INTS7: variants seen among roughly 807,000 people sequenced by gnomAD.
INTS7 encodes chromosome 1 open reading frame 73.
INTS7 carries 46 observed loss-of-function variants against 109.2 expected under a neutral mutation model. The ratio of observed to expected loss-of-function variants is 0.42; its 90% CI spans 0.33 to 0.54. The LOEUF is 0.54. Among genes scored for constraint, INTS7 ranks in the 20% least tolerant of loss-of-function variants. INTS7 has a pLI of 0.07. For missense variants in INTS7, 929 were observed against 1,132.4 expected (o/e 0.82, Z 2.58); for synonymous variants, 412 against 402.9 (o/e 1.02, Z -0.27).
At chr1:211,970,399 T>C (rs984866882) in intron 13 of INTS7, among the ~76,000 whole-genome samples, 2 of 152,144 alleles carry the variant, frequency 1.3e-5, no homozygotes, top group Admixed American at 1.3e-4. Context: ...ATAGTGAAAA[T>C]TTTCCTCTAT....
intron 5 of INTS7, among the ~76,000 whole-genome samples, chr1:212,009,389 G>A (rs1666069411): frequency 6.6e-6 from 1 of 152,134 alleles, no homozygotes; most frequent in Admixed American, 6.5e-5. Flanking sequence ...CACCTGTATA[G>A]CTTTCATCAA....
chr1:212,015,356 G>C (rs574794853), intron 4 of INTS7, among the ~76,000 whole-genome samples: 8 of 152,278 alleles, frequency 5.3e-5, no homozygotes, highest in African/African-American at 1.7e-4. Flanking sequence ...ATTTTGTTCT[G>C]TACTAAGAAA....
chr1:211,957,240 CCA>C (rs1413551095), intron 16 of INTS7, among the ~76,000 whole-genome samples: 3 of 152,114 alleles, frequency 2.0e-5, no homozygotes, highest in Non-Finnish European at 4.4e-5. Flanking sequence ...AAAACTCTTA[CCA>C]GTTTTATAAA....
intron 7 of INTS7, 65 bp from the exon 8 acceptor site, chr1:211,988,068 C>A: frequency 1.3e-6 from 1 of 774,592 alleles, no homozygotes; most frequent in East Asian, 2.9e-5. Context: ...ACTGTCTACT[C>A]CATTTACATT....
intron 8 of INTS7, among the ~76,000 whole-genome samples, chr1:211,987,385 G>A (rs1358705148): frequency 6.6e-6 from 1 of 152,010 alleles, no homozygotes; most frequent in Non-Finnish European, 1.5e-5. Context: ...CTCCTTACCG[G>A]GCATTAATGA....
At chr1:211,948,313 A>T (rs567374801) in intron 17 of INTS7, among the ~76,000 whole-genome samples, 1 of 152,372 alleles carries the variant, frequency 6.6e-6, no homozygotes, top group Non-Finnish European at 1.5e-5. Flanking sequence ...ATTTAAAGAC[A>T]CTGGTTCTAT....
chr1:211,974,715 G>A (rs1664340582), intron 13 of INTS7, among the ~76,000 whole-genome samples: 1 of 152,148 alleles, frequency 6.6e-6, no homozygotes, highest in Non-Finnish European at 1.5e-5. Flanking sequence ...TGGTTAATGT[G>A]GAGTAGGAGG....
chr1:211,954,755 C>T (rs983249553), intron 16 of INTS7, among the ~76,000 whole-genome samples: 43 of 152,078 alleles, frequency 2.8e-4, no homozygotes, highest in African/African-American at 8.9e-4. Flanking sequence ...CATTGATCTA[C>T]ATCTCTGTTT....
At chr1:212,023,834 G>C (rs1339020069) in intron 1 of INTS7, among the ~76,000 whole-genome samples, 1 of 152,072 alleles carries the variant, frequency 6.6e-6, no homozygotes, top group East Asian at 1.9e-4. Flanking sequence ...TTTCTTCTAG[G>C]ATTCTTAGAG....
At chr1:212,027,394 C>T (rs1412229499) in intron 1 of INTS7, among the ~76,000 whole-genome samples, 1 of 152,132 alleles carries the variant, frequency 6.6e-6, no homozygotes, top group African/African-American at 2.4e-5. Context: ...CATAAGAATA[C>T]TACTGTAAGC....
intron 7 of INTS7, among the ~76,000 whole-genome samples, chr1:212,005,183 T>G (rs1665849964): frequency 6.6e-6 from 1 of 151,898 alleles, no homozygotes; most frequent in Non-Finnish European, 1.5e-5. Context: ...ACATTACAAT[T>G]AAAGGGGAAA....
intron 12 of INTS7, among the ~76,000 whole-genome samples, chr1:211,975,817 A>G (rs965483908): frequency 1.3e-5 from 2 of 152,236 alleles, no homozygotes; most frequent in Non-Finnish European, 2.9e-5. Context: ...TGCTTGGGAC[A>G]GAACAGTATA....
At chr1:211,963,197 A>C (rs557032909) in intron 16 of INTS7, among the ~76,000 whole-genome samples, 1 of 152,218 alleles carries the variant, frequency 6.6e-6, no homozygotes, top group Non-Finnish European at 1.5e-5. Context: ...CTGACACCAC[A>C]GAAATATGAA....
rs1448616318 is a variant in INTS7 at position 211,941,604 on chromosome 1, T to A, written c.*220A>T. On this transcript the variant is annotated 3_prime_UTR_variant, in exon 20 of 20. Transcript: ENST00000366994. ...TTGATCTCCTCGTGAGCCGCCCACC[T>A]CAGCCTCCCAAAGTGCTGGGATTAC... is the stretch of plus-strand genomic sequence containing the variant. 1.7e-6 allele frequency: 1 copy of A among 587,314 alleles called. No homozygotes were observed. The highest frequency in any genetic ancestry group is 2.9e-6 in the Non-Finnish European group (1 of 340,890). The allele number at this position is 587,314 out of a possible 1,614,324, so 36.4% of individuals were successfully genotyped here.
intron 19 of INTS7, among the ~76,000 whole-genome samples, chr1:211,944,106 A>G (rs1380053890): frequency 6.6e-6 from 1 of 152,120 alleles, no homozygotes; most frequent in Non-Finnish European, 1.5e-5. Context: ...ACTTTATCTG[A>G]TCATTTTATA....
chr1:211,966,010 T>C (rs745680439), intron 16 of INTS7: 5 of 154,868 alleles, frequency 3.2e-5, no homozygotes, highest in African/African-American at 7.2e-5. Context: ...AAGGAATCAT[T>C]CTTTAATGAA....
At chr1:212,032,771 G>C (rs949444592) in intron 1 of INTS7, among the ~76,000 whole-genome samples, 5 of 152,120 alleles carry the variant, frequency 3.3e-5, no homozygotes, top group Non-Finnish European at 5.9e-5. Flanking sequence ...GAACCACCAC[G>C]CCCGACTGAC....
chr1:211,973,015 A>G (rs1427401569), intron 13 of INTS7, among the ~76,000 whole-genome samples: 1 of 152,154 alleles, frequency 6.6e-6, no homozygotes, highest in Non-Finnish European at 1.5e-5. Flanking sequence ...CAATGGCACA[A>G]TCTCAGCTCA....
rs1666668786 is a variant in INTS7, at chr1:212,020,982, A to AT, written c.224+100_224+101insA. The AT allele has an allele frequency of 1.0e-5, 11 of 1,068,834 alleles. No individual in the cohort carries two copies. The East Asian group carries it at 2.7e-4, about 26-fold the overall frequency. 66.2% of individuals were successfully genotyped at this position (1,068,834 alleles called of 1,614,324 possible). A position where few individuals can be genotyped will look rare whatever the true frequency, so the allele number is the denominator to read the frequency against. On this transcript the variant is annotated intron_variant, in intron 2 of 19. Coordinates refer to ENST00000366994, the MANE Select transcript of INTS7 (RefSeq NM_015434.4). Reference sequence around the variant, plus strand: ...CATGTGTGTCCACTAATGGTAACTAACCAGGTGGAAGTACTAAAAGGCAAA... The same window carrying AT: ...CATGTGTGTCCACTAATGGTAACTAATCCAGGTGGAAGTACTAAAAGGCAAA...
Sources: gnomAD v4.1 joint callset for allele counts (sites outside exome capture counted in the v4.1 genomes callset) on GRCh38, gnomAD v4.1.1 for gene constraint, MANE v1.5 for transcripts, NCBI Gene and HGNC (gene_info 2026-07-23, HGNC 2026-07-21) for gene names.